Variants in DDAH1 observed in about 807,000 individuals in gnomAD.
DDAH1 encodes dimethylarginine dimethylaminohydrolase 1.
A neutral mutation model predicts 28.8 loss-of-function variants in DDAH1; 19 were observed. The ratio of observed to expected loss-of-function variants is 0.66; its 90% confidence interval spans 0.46 to 0.97. The LOEUF is 0.97. DDAH1 is among the 50% of genes least tolerant of loss of function. The pLI is 0.00. For synonymous variants in DDAH1, 153 were observed against 154.4 expected, an observed-to-expected ratio of 0.99 and a Z score of 0.07; for missense variants, 326 against 375.9, an observed-to-expected ratio of 0.87 and a Z score of 1.10.
chr1:85,420,460 T>C (rs1653089833), intron 1 of DDAH1, among the ~76,000 whole-genome samples: 1 of 152,198 alleles, frequency 6.6e-6, no homozygotes, highest in South Asian at 2.1e-4. Flanking sequence ...TGGAGCACTT[T>C]GCTGCTTAGA....
chr1:85,418,198 A>C (rs1034403737), intron 1 of DDAH1, among the ~76,000 whole-genome samples: 3 of 152,244 alleles, frequency 2.0e-5, no homozygotes, highest in Non-Finnish European at 2.9e-5. Context: ...TTGATTCAGC[A>C]GGAGGCTTAT....
intron 1 of DDAH1, among the ~76,000 whole-genome samples, chr1:85,451,219 AG>A (rs1206206250): frequency 6.6e-6 from 1 of 152,214 alleles, no homozygotes; most frequent in Non-Finnish European, 1.5e-5. Flanking sequence ...GGCAGGCCAC[AG>A]GTGGTCTGGC....
chr1:85,452,400 A>G (rs1048494427), intron 1 of DDAH1, among the ~76,000 whole-genome samples: 2 of 152,226 alleles, frequency 1.3e-5, no homozygotes, highest in African/African-American at 4.8e-5. Flanking sequence ...GTTGCAACCT[A>G]TAGCATAAGA....
chr1:85,496,811 A>C (rs1219461908), intron 1 of DDAH1, among the ~76,000 whole-genome samples: 1 of 152,232 alleles, frequency 6.6e-6, no homozygotes, highest in African/African-American at 2.4e-5. Context: ...CTAATATCAT[A>C]AACCTTCACA....
At chr1:85,513,664 C>A (rs1214418334) in intron 1 of DDAH1, among the ~76,000 whole-genome samples, 1 of 151,970 alleles carries the variant, frequency 6.6e-6, no homozygotes, top group Non-Finnish European at 1.5e-5. Context: ...AGAAAAAAAA[C>A]AAACAACCCT....
At chr1:85,469,305 G>C (rs548274213), upstream of DDAH1, among the ~76,000 whole-genome samples, 10 of 152,336 alleles carry the variant, frequency 6.6e-5, no homozygotes, top group African/African-American at 2.4e-4. Flanking sequence ...TCAGCTGTGG[G>C]GAGGCATATG....
At chr1:85,528,900 G>A (rs368364701) in intron 1 of DDAH1, among the ~76,000 whole-genome samples, 7 of 150,774 alleles carry the variant, frequency 4.6e-5, no homozygotes, top group African/African-American at 9.8e-5. Flanking sequence ...CTTGAACCCC[G>A]GAGAGGGAGG....
chr1:85,499,333 G>C (rs1656712771), intron 1 of DDAH1, among the ~76,000 whole-genome samples: 1 of 151,972 alleles, frequency 6.6e-6, no homozygotes, highest in South Asian at 2.1e-4. Flanking sequence ...TTAAATTTAA[G>C]AAATAATAAG....
intron 1 of DDAH1, among the ~76,000 whole-genome samples, chr1:85,516,033 G>T (rs538326353): frequency 7.2e-5 from 11 of 152,042 alleles, no homozygotes; most frequent in South Asian, 2.1e-4. Flanking sequence ...TTTCTGTGTT[G>T]TTTGTGTCCT....
intron 4 of DDAH1, among the ~76,000 whole-genome samples, chr1:85,346,477 A>G (rs1380803571): frequency 2.6e-5 from 4 of 152,180 alleles, no homozygotes; most frequent in African/African-American, 4.8e-5. Context: ...ATAATTAGAA[A>G]AGGTTTTCTA....
At chr1:85,454,364 C>A (rs949929614) in intron 1 of DDAH1, among the ~76,000 whole-genome samples, 14 of 152,144 alleles carry the variant, frequency 9.2e-5, no homozygotes, top group African/African-American at 3.4e-4. Context: ...GGGGTCCAAA[C>A]AGTCAGGAAA....
intron 1 of DDAH1, among the ~76,000 whole-genome samples, chr1:85,408,702 T>C (rs1557594443): frequency 6.6e-6 from 1 of 152,200 alleles, no homozygotes; most frequent in East Asian, 1.9e-4. Context: ...AAACAGCATA[T>C]GGAAAAGTAC....
At chr1:85,454,777 A>C (rs981704146) in intron 1 of DDAH1, among the ~76,000 whole-genome samples, 14 of 152,186 alleles carry the variant, frequency 9.2e-5, no homozygotes, top group African/African-American at 2.9e-4. Flanking sequence ...GTGGGTAGAG[A>C]GCAGCAATTG....
chr1:85,416,906 A>C (rs972547464), intron 1 of DDAH1, among the ~76,000 whole-genome samples: 9 of 151,900 alleles, frequency 5.9e-5, no homozygotes, highest in Non-Finnish European at 1.2e-4. Flanking sequence ...AGGCTCAAGC[A>C]ATCTGTCTGC....
At chr1:85,531,048 A>G (rs1288722055) in intron 1 of DDAH1, among the ~76,000 whole-genome samples, 1 of 149,502 alleles carries the variant, frequency 6.7e-6, no homozygotes, top group Non-Finnish European at 1.5e-5. Flanking sequence ...ATATTAGCGT[A>G]TCAAAGAATC....
intron 1 of DDAH1, among the ~76,000 whole-genome samples, chr1:85,392,287 C>G (rs756666122): frequency 6.6e-6 from 1 of 152,002 alleles, no homozygotes; most frequent in African/African-American, 2.4e-5. Flanking sequence ...GTATGCATGT[C>G]TATAGGTCCA....
intron 1 of DDAH1, among the ~76,000 whole-genome samples, chr1:85,397,010 C>T (rs1178478675): frequency 6.7e-6 from 1 of 149,098 alleles, no homozygotes; most frequent in African/African-American, 2.5e-5. Flanking sequence ...GCACTCCAGG[C>T]TGGGTGATAG....
intron 2 of DDAH1, among the ~76,000 whole-genome samples, chr1:85,491,147 A>T (rs557336805): frequency 6.6e-6 from 1 of 151,374 alleles, no homozygotes; most frequent in African/African-American, 2.4e-5. Context: ...CCCAGGCTCA[A>T]ATGAGCCTCC....
chr1:85,449,961 T>A (rs532427102), intron 1 of DDAH1, among the ~76,000 whole-genome samples: 1 of 152,170 alleles, frequency 6.6e-6, no homozygotes, highest in South Asian at 2.1e-4. Context: ...TTCCTAAGAA[T>A]AAAATCAGAG....
Sources: gnomAD v4.1 joint callset for allele counts (sites outside exome capture counted in the v4.1 genomes callset) on GRCh38, gnomAD v4.1.1 for gene constraint, MANE v1.5 for transcripts, NCBI Gene and HGNC (gene_info 2026-07-23, HGNC 2026-07-21) for gene names.